Variants in SPIDR observed in about 807,000 individuals in gnomAD.
SPIDR encodes the protein DNA repair-scaffolding protein.
A neutral mutation model predicts 104.6 loss-of-function variants in SPIDR; 93 were observed. That is an observed-to-expected ratio of 0.89 (90% CI 0.75 to 1.06). The LOEUF is 1.06. Among genes scored for constraint, SPIDR ranks in the 50% least tolerant of loss-of-function variants. The pLI, the probability that SPIDR is intolerant of heterozygous loss-of-function variation, is 0.00. For missense variants in SPIDR, 1,154 were observed against 1,111.2 expected (o/e 1.04, Z -0.55); for synonymous variants, 431 against 416.9 (o/e 1.03, Z -0.41).
chr8:47,422,873 G>A (rs2065789062), intron 7 of SPIDR, among the ~76,000 whole-genome samples: 1 of 152,108 alleles, frequency 6.6e-6, no homozygotes, highest in African/African-American at 2.4e-5. Context: ...TTGCTGGGCT[G>A]TTTTATAACT....
intron 8 of SPIDR, among the ~76,000 whole-genome samples, chr8:47,531,515 A>G (rs1355187116): frequency 6.6e-6 from 1 of 152,222 alleles, no homozygotes; most frequent in Non-Finnish European, 1.5e-5. Flanking sequence ...CACCGTGAAC[A>G]TTCCTCAACA....
intron 8 of SPIDR, among the ~76,000 whole-genome samples, chr8:47,536,094 A>ATG (rs1469652102): frequency 6.6e-6 from 1 of 151,330 alleles, no homozygotes; most frequent in Non-Finnish European, 1.5e-5. Context: ...CTAAAAATAT[A>ATG]TATATATATA....
chr8:47,266,670 C>T (rs1199209046), intron 1 of SPIDR, among the ~76,000 whole-genome samples: 1 of 152,134 alleles, frequency 6.6e-6, no homozygotes, highest in Admixed American at 6.5e-5. Context: ...ATGTTTAACT[C>T]TATAAGAAAC....
At chr8:47,550,587 A>G (rs2090287615) in intron 8 of SPIDR, among the ~76,000 whole-genome samples, 1 of 152,254 alleles carries the variant, frequency 6.6e-6, no homozygotes, top group Admixed American at 6.5e-5. Flanking sequence ...TGGTGTATAT[A>G]GGAATGCTTG....
chr8:47,411,550 A>G (rs567252005), intron 7 of SPIDR, among the ~76,000 whole-genome samples: 3 of 152,034 alleles, frequency 2.0e-5, no homozygotes, highest in Non-Finnish European at 2.9e-5. Context: ...TAGATTCTGG[A>G]TATTAGCTTT....
At chr8:47,581,464 T>TC (rs1377830784) in intron 8 of SPIDR, among the ~76,000 whole-genome samples, 1 of 152,102 alleles carries the variant, frequency 6.6e-6, no homozygotes, top group Non-Finnish European at 1.5e-5. Context: ...CTGGGTTTTC[T>TC]CCCCCAAATT....
intron 5 of SPIDR, among the ~76,000 whole-genome samples, chr8:47,328,216 T>G (rs6473996): frequency 0.33 from 50,703 of 151,620 alleles, 9,410 homozygotes; most frequent in African/African-American, 0.5. Flanking sequence ...ATTGATGTAT[T>G]TTGAATTAAT....
intron 8 of SPIDR, among the ~76,000 whole-genome samples, chr8:47,486,212 G>C (rs781836456): frequency 4.6e-5 from 7 of 152,198 alleles, no homozygotes; most frequent in Non-Finnish European, 8.8e-5. Flanking sequence ...AAATGCACAA[G>C]CTTCAGAAGC....
Position 47,598,987 on chromosome 8 carries a change from C to T in SPIDR, c.1335C>T (p.Thr445=), listed in dbSNP as rs1382697935. 6 of 1,613,710 alleles carry T rather than the reference C, an allele frequency of 3.7e-6. No individual in the cohort carries two copies. The African/African-American group carries it at 5.3e-5, about 14-fold the overall frequency. ...SGVATTGTAW[T]HGHKEAKQRI... ...TAGCCACTACAGGGACAGCCTGGAC[C>T]CATGGGCACAAAGAAGCAAAACAGC... The change falls in exon 10 of 20, where the codon ACC becomes ACT. Residue 445 remains threonine, a synonymous_variant. Coordinates refer to ENST00000297423, the MANE Select transcript of SPIDR (RefSeq NM_001080394.4).
chr8:47,678,852 G>T (rs894117942), intron 11 of SPIDR, among the ~76,000 whole-genome samples: 1 of 152,180 alleles, frequency 6.6e-6, no homozygotes, highest in Non-Finnish European at 1.5e-5. Flanking sequence ...TACGGCAGCA[G>T]ATTAAGTGGT....
chr8:47,603,327 T>C (rs1199289926), intron 10 of SPIDR, among the ~76,000 whole-genome samples: 2 of 152,186 alleles, frequency 1.3e-5, no homozygotes. Context: ...ACATCACCTT[T>C]CTTTCTCCCT....
intron 5 of SPIDR, among the ~76,000 whole-genome samples, chr8:47,387,812 C>T (rs868957224): frequency 1.3e-5 from 2 of 152,202 alleles, no homozygotes; most frequent in African/African-American, 4.8e-5. Context: ...GTCTTCTCAA[C>T]GTGTCTTCCA....
At chr8:47,633,984 C>T (rs2067478795) in intron 10 of SPIDR, among the ~76,000 whole-genome samples, 1 of 151,834 alleles carries the variant, frequency 6.6e-6, no homozygotes, top group Non-Finnish European at 1.5e-5. Context: ...GTCCCAGCTA[C>T]TCTGGAGGCT....
At position 47,279,959 on chromosome 8, in the gene SPIDR, C is replaced by G. The variant is rs1033661643; in HGVS notation, c.131C>G (p.Ser44Cys). The change falls in exon 2 of 20, where the codon TCT (serine) becomes TGT (cysteine). Residue 44 changes from serine (S) to cysteine (C), a missense_variant. Transcript: ENST00000297423. Reference sequence around the variant, plus strand: ...CTCAGGACAGCAGGGGCAGCTGCCTCTCTCTCTGAAGCATGGCTCAGGTGT... The same window carrying G: ...CTCAGGACAGCAGGGGCAGCTGCCTGTCTCTCTGAAGCATGGCTCAGGTGT... ...AGLRTAGAAA[S>C]LSEAWLRCGE... 7.4e-6 allele frequency: 12 copies of G among 1,614,050 alleles called. No homozygotes were observed. Among genetic ancestry groups the G allele is most frequent in the South Asian group, 1.1e-5 (1 of 91,088 alleles).
rs149977974 is a variant in SPIDR, at chr8:47,541,824, G to A, written c.1098-53987G>A. On this transcript the variant is annotated intron_variant, in intron 8 of 19. Coordinates refer to ENST00000297423, the MANE Select transcript of SPIDR (RefSeq NM_001080394.4). The stretch of plus-strand genomic sequence containing the variant: ...TGAGGTGGGAGAATTGCTTGAACTC[G>A]GGAGGCTGAGGTGGGAGAATTGCTT... Among the ~76,000 whole-genome samples the A allele has an allele frequency of 1.3e-3, 205 of 152,268 alleles. 3 individuals are homozygous for A. In the East Asian group the frequency reaches 0.034, roughly 25 times the overall value.
intron 5 of SPIDR, among the ~76,000 whole-genome samples, chr8:47,377,749 T>C (rs1443747341): frequency 2.0e-5 from 3 of 152,212 alleles, no homozygotes; most frequent in African/African-American, 7.2e-5. Flanking sequence ...TCTATCAGAA[T>C]ATTCCAAGAA....
At chr8:47,420,419 C>G (rs1460418672) in intron 7 of SPIDR, among the ~76,000 whole-genome samples, 4 of 152,122 alleles carry the variant, frequency 2.6e-5, no homozygotes, top group African/African-American at 9.7e-5. Flanking sequence ...TCTGTTTTAT[C>G]AGAGACTAGG....
chr8:47,539,176 G>T (rs2154388692), intron 8 of SPIDR, among the ~76,000 whole-genome samples: 1 of 151,844 alleles, frequency 6.6e-6, no homozygotes, highest in African/African-American at 2.4e-5. Context: ...TGGGATATTT[G>T]AAAAAAATGC....
At chr8:47,543,397 A>ATT (rs1483198572) in intron 8 of SPIDR, among the ~76,000 whole-genome samples, 1 of 152,132 alleles carries the variant, frequency 6.6e-6, no homozygotes, top group Non-Finnish European at 1.5e-5. Flanking sequence ...TTTAATGTGC[A>ATT]TTTCCCTAAT....
Sources: gnomAD v4.1 joint callset for allele counts (sites outside exome capture counted in the v4.1 genomes callset) on GRCh38, gnomAD v4.1.1 for gene constraint, MANE v1.5 for transcripts, NCBI Gene and HGNC (gene_info 2026-07-23, HGNC 2026-07-21) for gene names.